Variants in CPB2 observed in about 807,000 individuals in gnomAD.
CPB2 encodes carboxypeptidase B-like protein.
CPB2 carries 54 observed loss-of-function variants against 57.0 expected under a neutral mutation model. The ratio of observed to expected loss-of-function variants is 0.95; its 90% CI spans 0.76 to 1.19. The LOEUF is 1.19. Ranked by LOEUF, CPB2 falls within the 50% of genes most tolerant of loss-of-function variation. CPB2 has a pLI of 0.00. For missense variants in CPB2, 426 were observed against 512.0 expected, an observed-to-expected ratio of 0.83 and a Z score of 1.62; for synonymous variants, 189 against 178.1, an observed-to-expected ratio of 1.06 and a Z score of -0.49.
chr13:46,085,133 A>G (rs980789928), intron 2 of CPB2, among the ~76,000 whole-genome samples: 5 of 152,196 alleles, frequency 3.3e-5, no homozygotes, highest in African/African-American at 9.7e-5. Context: ...TACAGGCACG[A>G]GCCACTACAC....
intron 1 of CPB2, among the ~76,000 whole-genome samples, chr13:46,093,787 G>A (rs2045328112): frequency 6.6e-6 from 1 of 152,110 alleles, no homozygotes; most frequent in Non-Finnish European, 1.5e-5. Context: ...GAACAAATGA[G>A]ATTCTTTTTA....
At chr13:46,091,882 G>A (rs558417577) in intron 1 of CPB2, among the ~76,000 whole-genome samples, 3 of 152,326 alleles carry the variant, frequency 2.0e-5, no homozygotes, top group African/African-American at 7.2e-5. Flanking sequence ...AAGTGATAAG[G>A]AGAGAAAGGA....
intron 1 of CPB2, among the ~76,000 whole-genome samples, chr13:46,104,328 A>G (rs1204128887): frequency 6.6e-6 from 1 of 152,248 alleles, no homozygotes; most frequent in Non-Finnish European, 1.5e-5. Context: ...TACATTACAT[A>G]TACCCTGGAA....
chr13:46,099,045 TTAGG>T (rs1230463943), intron 1 of CPB2: 1 of 152,198 alleles, frequency 6.6e-6, no homozygotes, highest in Admixed American at 6.5e-5. Context: ...CATTTTTGAC[TTAGG>T]TAGTCAGAGA....
intron 1 of CPB2, among the ~76,000 whole-genome samples, chr13:46,088,273 G>T (rs1225403291): frequency 2.6e-5 from 4 of 151,928 alleles, no homozygotes; most frequent in African/African-American, 9.7e-5. Flanking sequence ...CATCACCAGA[G>T]GTATCCTCTA....
chr13:46,074,372 G>T (rs1157921030), intron 5 of CPB2, among the ~76,000 whole-genome samples: 2 of 152,154 alleles, frequency 1.3e-5, no homozygotes, highest in Admixed American at 6.5e-5. Flanking sequence ...TCCCCGGGAG[G>T]TGTGGAGACA....
chr13:46,071,464 A>G (rs912189797), intron 6 of CPB2, among the ~76,000 whole-genome samples: 10 of 152,300 alleles, frequency 6.6e-5, no homozygotes, highest in African/African-American at 2.4e-4. Flanking sequence ...GAAATCTGCT[A>G]AAGAGGAGTT....
chr13:46,060,335 G>A (rs905478603), intron 8 of CPB2, among the ~76,000 whole-genome samples: 5 of 151,420 alleles, frequency 3.3e-5, no homozygotes, highest in African/African-American at 7.3e-5. Context: ...AGTGGTGCAC[G>A]CCTGTAATCC....
intron 1 of CPB2, chr13:46,098,481 T>C (rs2045394345): frequency 6.6e-6 from 1 of 152,206 alleles, no homozygotes; most frequent in African/African-American, 2.4e-5. Flanking sequence ...CACAAAGGGT[T>C]GGACTGTAGT....
At chr13:46,083,314 C>G (rs2045148928) in intron 3 of CPB2, among the ~76,000 whole-genome samples, 1 of 152,076 alleles carries the variant, frequency 6.6e-6, no homozygotes, top group Non-Finnish European at 1.5e-5. Context: ...ATTTTTTCAT[C>G]TATATAATGG....
At chr13:46,058,681 G>T (rs1161033978) in intron 8 of CPB2, among the ~76,000 whole-genome samples, 1 of 152,144 alleles carries the variant, frequency 6.6e-6, no homozygotes, top group Non-Finnish European at 1.5e-5. Flanking sequence ...TTATGGTTAT[G>T]GGAGAAAAAA....
At chr13:46,085,591 A>T (rs574123742) in intron 2 of CPB2, among the ~76,000 whole-genome samples, 1 of 152,302 alleles carries the variant, frequency 6.6e-6, no homozygotes, top group South Asian at 2.1e-4. Context: ...TTCTCCAAAC[A>T]AAATTCCCCT....
chr13:46,090,825 G>C (rs569829668), intron 1 of CPB2, among the ~76,000 whole-genome samples: 1 of 151,002 alleles, frequency 6.6e-6, no homozygotes, highest in South Asian at 2.1e-4. Flanking sequence ...CCTGGTTCAA[G>C]CGATTTTCCT....
At chr13:46,061,507 G>A (rs1181946891) in intron 8 of CPB2, among the ~76,000 whole-genome samples, 1 of 152,134 alleles carries the variant, frequency 6.6e-6, no homozygotes, top group African/African-American at 2.4e-5. Context: ...CAATGTGACT[G>A]GTGCCCTTAT....
intron 4 of CPB2, 94 bp downstream of exon 4, chr13:46,082,347 T>C (rs1384784663): frequency 1.4e-6 from 1 of 707,224 alleles, no homozygotes; most frequent in African/African-American, 1.8e-5. Context: ...TTTACCATCT[T>C]CCACCAATTA....
At chr13:46,092,697 G>C (rs1004399539) in intron 1 of CPB2, among the ~76,000 whole-genome samples, 2 of 152,148 alleles carry the variant, frequency 1.3e-5, no homozygotes, top group Non-Finnish European at 2.9e-5. Context: ...CTTGTTCATT[G>C]TTGCCAAGTA....
At chr13:46,054,268 T>C (rs1486275600) in intron 10 of CPB2, among the ~76,000 whole-genome samples, 1 of 152,226 alleles carries the variant, frequency 6.6e-6, no homozygotes, top group African/African-American at 2.4e-5. Context: ...TCCTATCAAT[T>C]GTCCTTCCTC....
intron 2 of CPB2, among the ~76,000 whole-genome samples, chr13:46,085,228 T>C (rs1448183436): frequency 6.6e-6 from 1 of 152,210 alleles, no homozygotes; most frequent in African/African-American, 2.4e-5. Context: ...ATTATTTGCA[T>C]TGTTCAGGTG....
At chr13:46,097,755 T>C (rs2045385810) in intron 1 of CPB2, among the ~76,000 whole-genome samples, 1 of 152,202 alleles carries the variant, frequency 6.6e-6, no homozygotes, top group South Asian at 2.1e-4. Context: ...GTGTCCCTAC[T>C]AGGTAGTATA....
Sources: gnomAD v4.1 joint callset for allele counts (sites outside exome capture counted in the v4.1 genomes callset) on GRCh38, gnomAD v4.1.1 for gene constraint, MANE v1.5 for transcripts, NCBI Gene and HGNC (gene_info 2026-07-23, HGNC 2026-07-21) for gene names.